Variants in BRI3 observed in about 807,000 individuals in gnomAD.
BRI3 encodes brain protein I3.
Under a neutral mutation model 12.8 loss-of-function variants are expected in BRI3, and 6 were observed. The observed-to-expected ratio is 0.47, with a 90% CI of 0.26 to 0.93. The LOEUF (loss-of-function observed/expected upper bound fraction) is 0.93. Ranked by LOEUF, BRI3 falls within the 40% of genes least tolerant of loss-of-function variation. The pLI is 0.15. For missense variants in BRI3, 134 were observed against 171.1 expected (o/e 0.78, Z 1.21); for synonymous variants, 91 against 76.1 (o/e 1.20, Z -1.02).
In BRI3 at chr7:98,285,535, G is replaced by T. The variant is rs542005462; in HGVS notation, c.245+3082G>T. On this transcript the variant is annotated intron_variant, in intron 2 of 2. Coordinates refer to ENST00000297290, the MANE Select transcript of BRI3 (RefSeq NM_015379.5). Reference sequence around the variant, plus strand: ...GGGGGCAGCGGATGGGCCGGAGCTTGGGCCTGGGCTGCTTGCTGGGCAGGG... The same window carrying T: ...GGGGGCAGCGGATGGGCCGGAGCTTTGGCCTGGGCTGCTTGCTGGGCAGGG... 1.1e-4 allele frequency among the ~76,000 whole-genome samples: 17 copies of T among 152,308 alleles called. No homozygotes were observed. The South Asian group carries it at 3.5e-3, about 32-fold the overall frequency.
the BRI3 span, among the ~76,000 whole-genome samples, chr7:98,317,731 C>T: frequency 6.6e-6 from 1 of 150,730 alleles, no homozygotes; most frequent in Non-Finnish European, 1.5e-5. Flanking sequence ...ACACCATCTG[C>T]ATGTTGGCTG....
At chr7:98,311,774 TGC>T (rs1800881822), downstream of BRI3, among the ~76,000 whole-genome samples, 2 of 151,830 alleles carry the variant, frequency 1.3e-5, no homozygotes, top group Admixed American at 6.6e-5. Context: ...GGCATGGTGG[TGC>T]GCCCCAGTAA....
downstream of BRI3, chr7:98,292,683 G>A (rs771023012): frequency 6.4e-7 from 1 of 1,551,586 alleles, no homozygotes; most frequent in African/African-American, 1.4e-5. Flanking sequence ...TTGAGAGTCT[G>A]TACCTGATTC....
Position 98,282,336 on chromosome 7 carries a change from C to G in BRI3, c.143-15C>G. ...CTCCTCCCTGCACCCTAATGACCTG[C>G]TTTCCCGCCCACAGGGATACCCACC... is the stretch of plus-strand genomic sequence containing the variant. On this transcript the variant is annotated splice_polypyrimidine_tract_variant and intron_variant, in intron 1 of 2. Coordinates refer to ENST00000297290, the MANE Select transcript of BRI3 (RefSeq NM_015379.5). 6.2e-7 allele frequency: 1 copy of G among 1,605,636 alleles called. No individual in the cohort carries two copies. The highest frequency in any genetic ancestry group is 1.1e-5 in the South Asian group (1 of 90,908).
chr7:98,304,384 C>T, upstream of BRI3: 1 of 1,612,692 alleles, frequency 6.2e-7, no homozygotes, highest in Non-Finnish European at 8.5e-7. Context: ...GGGCTCAAAC[C>T]CAAAAAGGAC....
At chr7:98,305,040 G>GTTTT (rs1386050479), upstream of BRI3, among the ~76,000 whole-genome samples, 2 of 87,150 alleles carry the variant, frequency 2.3e-5, no homozygotes, top group Non-Finnish European at 4.4e-5. Flanking sequence ...TAATTTTTTT[G>GTTTT]TTTTTTGTTT....
At chr7:98,294,798 C>T (rs1483054755), downstream of BRI3, among the ~76,000 whole-genome samples, 2 of 152,198 alleles carry the variant, frequency 1.3e-5, no homozygotes, top group Non-Finnish European at 2.9e-5. Context: ...GTAGGAAGCT[C>T]AAACTGAGGA....
chr7:98,308,880 T>C (rs182093902), exon 2 of BRI3: 485 of 153,006 alleles, frequency 3.2e-3, no homozygotes, highest in Non-Finnish European at 4.7e-3. Flanking sequence ...TGTCTCGCTA[T>C]GTTGCCCAGC....
intron 2 of BRI3, among the ~76,000 whole-genome samples, chr7:98,288,085 G>A (rs187449065): frequency 1.3e-5 from 2 of 152,290 alleles, no homozygotes; most frequent in African/African-American, 4.8e-5. Context: ...TTTCTCAGCC[G>A]GTTCACCCTC....
upstream of BRI3, among the ~76,000 whole-genome samples, chr7:98,306,055 C>T (rs890257389): frequency 3.3e-5 from 5 of 152,128 alleles, no homozygotes; most frequent in East Asian, 1.9e-4. Flanking sequence ...GTCAAGCAGC[C>T]GGGGCCAGAG....
the BRI3 span, among the ~76,000 whole-genome samples, chr7:98,321,161 C>G: frequency 6.6e-6 from 1 of 152,060 alleles, no homozygotes; most frequent in Non-Finnish European, 1.5e-5. Context: ...ACCTGGCCCA[C>G]GTGGCCCTTT....
chr7:98,304,851 T>C (rs1800578414), upstream of BRI3, among the ~76,000 whole-genome samples: 1 of 150,130 alleles, frequency 6.7e-6, no homozygotes, highest in East Asian at 2.0e-4. Flanking sequence ...TTTCTAAACA[T>C]ATCCTCACAA....
At chr7:98,306,707 TAA>T (rs1172031707) in intron 1 of BRI3, 1 of 854,522 alleles carries the variant, frequency 1.2e-6, no homozygotes, top group Non-Finnish European at 1.7e-6. Context: ...TGTGTATTGT[TAA>T]CAATTTTTTT....
chr7:98,304,475 A>G (rs896391546), upstream of BRI3: 1 of 1,166,876 alleles, frequency 8.6e-7, no homozygotes, highest in Non-Finnish European at 1.2e-6. Flanking sequence ...GTAATAGTAC[A>G]TCACCAATCA....
At chr7:98,292,743 A>G, downstream of BRI3, 1 of 1,551,280 alleles carries the variant, frequency 6.4e-7, no homozygotes, top group Non-Finnish European at 8.7e-7. Context: ...CTGGTAATGG[A>G]TGCAGCTTTG....
At chr7:98,282,832 T>C (rs923846644) in intron 2 of BRI3, 2 of 205,574 alleles carry the variant, frequency 9.7e-6, no homozygotes, top group Admixed American at 5.5e-5. Context: ...TACTCTGCAG[T>C]TGATCGTCGA....
At chr7:98,306,535 A>C in exon 1 of BRI3, 1 of 1,614,080 alleles carries the variant, frequency 6.2e-7, no homozygotes, top group South Asian at 1.1e-5. Context: ...AAAGAGGGAG[A>C]AAAGACCCTA....
At chr7:98,288,730 A>G (rs1182178519) in intron 2 of BRI3, among the ~76,000 whole-genome samples, 1 of 151,956 alleles carries the variant, frequency 6.6e-6, no homozygotes, top group Non-Finnish European at 1.5e-5. Flanking sequence ...TCGGCTGAAC[A>G]ATCCCCCTTT....
At chr7:98,320,250 C>A in the BRI3 span, 25 of 1,609,532 alleles carry the variant, frequency 1.6e-5, no homozygotes, top group Non-Finnish European at 2.0e-5. Context: ...TTCATCAAGA[C>A]TCTCGTTGAG....
Sources: gnomAD v4.1 joint callset for allele counts (sites outside exome capture counted in the v4.1 genomes callset) on GRCh38, gnomAD v4.1.1 for gene constraint, MANE v1.5 for transcripts, NCBI Gene and HGNC (gene_info 2026-07-23, HGNC 2026-07-21) for gene names.